The following TNIP1 variants were observed in gnomAD, a reference collection of about 807,000 sequenced individuals.
The protein encoded by TNIP1 is TNFAIP3 interacting protein 1, also known as TNFAIP3-interacting protein 1.
A neutral mutation model predicts 86.6 loss-of-function variants in TNIP1; 22 were observed. The ratio of observed to expected loss-of-function variants is 0.25; its 90% CI spans 0.18 to 0.36. TNIP1 has a LOEUF of 0.36. TNIP1 is among the 10% of genes least tolerant of loss of function. The probability of loss-of-function intolerance (pLI) is 1.00; values close to 1 mark genes in which losing one functional copy is unlikely to be tolerated. For synonymous variants in TNIP1, 294 were observed against 313.0 expected (o/e 0.94, Z 0.64); for missense variants, 709 against 820.6 (o/e 0.86, Z 1.66).
At chr5:151,076,535 C>A (rs1390528714) in intron 1 of TNIP1, among the ~76,000 whole-genome samples, 1 of 152,152 alleles carries the variant, frequency 6.6e-6, no homozygotes, top group Non-Finnish European at 1.5e-5. Context: ...AAACCAAAGT[C>A]GGCAAAGGCG....
intron 11 of TNIP1, 45 bp downstream of exon 11, chr5:151,042,495 A>G (rs767381822): frequency 1.3e-6 from 2 of 1,596,528 alleles, no homozygotes; most frequent in South Asian, 2.2e-5. Flanking sequence ...CTCTCCGCTA[A>G]TGTGGAGGGG....
chr5:151,034,200 G>A (rs187681413), intron 15 of TNIP1, among the ~76,000 whole-genome samples: 2 of 150,538 alleles, frequency 1.3e-5, no homozygotes, highest in East Asian at 4.0e-4. Flanking sequence ...CTGGTACATG[G>A]GCATGGAAGG....
At chr5:151,032,212 C>G in intron 17 of TNIP1, 75 bp downstream of exon 17, 1 of 1,340,488 alleles carries the variant, frequency 7.5e-7, no homozygotes. Context: ...GACATCACCC[C>G]CAAACTCAGG....
At chr5:151,060,277 A>G in intron 5 of TNIP1, 41 bp downstream of exon 5, 1 of 1,604,824 alleles carries the variant, frequency 6.2e-7, no homozygotes, top group Non-Finnish European at 8.5e-7. Flanking sequence ...GGACACAAAG[A>G]GGGCAGCAGG....
chr5:151,035,403 G>A lies in TNIP1; in HGVS notation c.1521+179C>T, dbSNP rs139326447. ...GTAGAGATATCTTAGAGTAAAACTCGTAATTGTACAAAGAAAGAGTCAGAG... is the reference window on the plus strand; with the variant it reads ...GTAGAGATATCTTAGAGTAAAACTCATAATTGTACAAAGAAAGAGTCAGAG... On this transcript the variant is annotated intron_variant, in intron 14 of 17. Coordinates refer to ENST00000521591, the MANE Select transcript of TNIP1 (RefSeq NM_006058.5). 4.1e-4 allele frequency among the ~76,000 whole-genome samples: 62 copies of A among 152,352 alleles called. 1 individual carries two copies. The highest frequency in any genetic ancestry group is 1.4e-3 in the African/African-American group (60 of 41,582).
At chr5:151,035,150 A>C in intron 14 of TNIP1, 83 bp from the exon 15 acceptor site, 1 of 1,467,144 alleles carries the variant, frequency 6.8e-7, no homozygotes, top group South Asian at 1.2e-5. Flanking sequence ...ACCAGCCACG[A>C]GGACTGACCG....
At chr5:151,073,465 A>T (rs1306765220) in intron 1 of TNIP1, among the ~76,000 whole-genome samples, 8 of 152,224 alleles carry the variant, frequency 5.3e-5, no homozygotes, top group Non-Finnish European at 1.5e-5. Flanking sequence ...AATACTATAC[A>T]GCCATCAAAA....
chr5:151,073,564 A>AT (rs1018252807), intron 1 of TNIP1, among the ~76,000 whole-genome samples: 12 of 127,900 alleles, frequency 9.4e-5, no homozygotes, highest in African/African-American at 3.7e-4. Flanking sequence ...ACAGGATGCT[A>AT]TTTTTTTCAA....
chr5:151,033,127 C>CCA (rs2113226115), intron 16 of TNIP1, among the ~76,000 whole-genome samples: 1 of 78,772 alleles, frequency 1.3e-5, no homozygotes, highest in South Asian at 6.3e-4. Context: ...AATTCCATCT[C>CCA]AAAAAAAAAA....
At chr5:151,073,491 G>T (rs1373681792) in intron 1 of TNIP1, among the ~76,000 whole-genome samples, 1 of 151,702 alleles carries the variant, frequency 6.6e-6, no homozygotes, top group African/African-American at 2.4e-5. Flanking sequence ...GGGGTAGATT[G>T]CTTGGCAATG....
chr5:151,044,622 C>T (rs902004260), intron 9 of TNIP1, among the ~76,000 whole-genome samples: 2 of 151,984 alleles, frequency 1.3e-5, no homozygotes, highest in Admixed American at 6.6e-5. Flanking sequence ...TTCAAATGTG[C>T]GGGAGGACAA....
chr5:151,086,081 C>T (rs931088274), intron 1 of TNIP1, among the ~76,000 whole-genome samples: 13 of 152,070 alleles, frequency 8.5e-5, no homozygotes, highest in Admixed American at 2.0e-4. Flanking sequence ...TGAAGAGGGC[C>T]GTTTGGATGA....
intron 17 of TNIP1, among the ~76,000 whole-genome samples, chr5:151,031,374 A>C (rs1361189393): frequency 6.6e-6 from 1 of 151,988 alleles, no homozygotes; most frequent in African/African-American, 2.4e-5. Context: ...ATTCCCACCC[A>C]CTAGTTATAA....
intron 9 of TNIP1, among the ~76,000 whole-genome samples, chr5:151,044,792 T>G (rs12658895): frequency 6.6e-6 from 1 of 151,928 alleles, no homozygotes; most frequent in Non-Finnish European, 1.5e-5. Context: ...GAGGAACACA[T>G]GTGAGATCCA....
chr5:151,082,710 G>A (rs1238231367), upstream of TNIP1, among the ~76,000 whole-genome samples: 1 of 152,174 alleles, frequency 6.6e-6, no homozygotes, highest in African/African-American at 2.4e-5. Context: ...CAAAGTGTCC[G>A]CTGGGAATTC....
intron 3 of TNIP1, among the ~76,000 whole-genome samples, chr5:151,062,533 A>G (rs554649733): frequency 6.6e-6 from 1 of 152,304 alleles, no homozygotes; most frequent in African/African-American, 2.4e-5. Flanking sequence ...TTATGTATCT[A>G]TTATCCCAGC....
intron 12 of TNIP1, among the ~76,000 whole-genome samples, chr5:151,038,385 T>G (rs534051750): frequency 2.6e-4 from 40 of 152,224 alleles, no homozygotes; most frequent in African/African-American, 9.4e-4. Flanking sequence ...GCTTGCATCT[T>G]TGAAATGTGC....
chr5:151,031,204 T>A (rs1756844401), intron 17 of TNIP1, among the ~76,000 whole-genome samples: 2 of 152,036 alleles, frequency 1.3e-5, no homozygotes, highest in South Asian at 4.2e-4. Flanking sequence ...CACCAAATCC[T>A]CCAAACTGCA....
chr5:151,032,570 A>G, intron 16 of TNIP1, 187 bp from the exon 17 acceptor site: 1 of 635,510 alleles, frequency 1.6e-6, no homozygotes, highest in Non-Finnish European at 2.8e-6. Context: ...GCTGAAGGTC[A>G]TCTAGCAAGG....
Sources: allele counts gnomAD v4.1 joint callset (sites outside exome capture counted in the v4.1 genomes callset), GRCh38; gene constraint gnomAD v4.1.1; transcripts MANE v1.5; gene names NCBI Gene and HGNC (gene_info 2026-07-23, HGNC 2026-07-21).